STAM2: variants seen among roughly 807,000 people sequenced by gnomAD.
STAM2 encodes the protein signal transducing adapter molecule 2.
In STAM2, 51 loss-of-function variants were observed where a neutral mutation model predicts 65.6. The ratio of observed to expected loss-of-function variants is 0.78; its 90% CI spans 0.62 to 0.98. The LOEUF is 0.98. STAM2 is among the 50% of genes least tolerant of loss of function. The pLI is 0.00. For synonymous variants in STAM2, 198 were observed against 208.4 expected (o/e 0.95, Z 0.43); for missense variants, 584 against 617.8 (o/e 0.95, Z 0.58).
Position 152,147,207 on chromosome 2 carries a change from T to C in STAM2, c.402A>G (p.Lys134=). The change falls in exon 5 of 14, where the codon AAA becomes AAG. Residue 134 remains lysine, a synonymous_variant. Coordinates refer to ENST00000263904, the MANE Select transcript of STAM2 (RefSeq NM_005843.6). ...AAGTAATTCCTTCTTCTTTCATAGA[T>C]TTAATAGTTGCAGATATCAGACTAA... ...PQFSLISATI[K]SMKEEGITFP... is the part of the protein sequence containing the mutation. The C allele has an allele frequency of 6.2e-7, 1 of 1,611,810 alleles. No homozygotes were observed. The highest frequency in any genetic ancestry group is 8.5e-7 in the Non-Finnish European group (1 of 1,179,224).
intron 1 of STAM2, among the ~76,000 whole-genome samples, chr2:152,160,609 G>A (rs1304272796): frequency 2.0e-5 from 3 of 150,768 alleles, no homozygotes; most frequent in South Asian, 2.1e-4. Context: ...GAGGTGGGGG[G>A]TCAGCCCCAC....
chr2:152,162,051 G>C (rs1689688341), intron 1 of STAM2, among the ~76,000 whole-genome samples: 1 of 152,116 alleles, frequency 6.6e-6, no homozygotes. Flanking sequence ...TAGAACTCCT[G>C]ATCTCAGGTG....
chr2:152,162,352 A>G (rs1207487963), intron 1 of STAM2, among the ~76,000 whole-genome samples: 1 of 152,078 alleles, frequency 6.6e-6, no homozygotes, highest in Non-Finnish European at 1.5e-5. Flanking sequence ...CAGGAGGATC[A>G]CTTGAGAGTC....
intron 7 of STAM2, among the ~76,000 whole-genome samples, chr2:152,136,405 T>G (rs1050650114): frequency 6.6e-6 from 1 of 151,904 alleles, no homozygotes; most frequent in African/African-American, 2.4e-5. Context: ...ATCACGTCAC[T>G]GCACTCCAGC....
chr2:152,159,110 T>TATATATATATATATATACACAC (rs575009275), intron 1 of STAM2, among the ~76,000 whole-genome samples: 3 of 129,234 alleles, frequency 2.3e-5, no homozygotes, highest in African/African-American at 3.3e-5. Context: ...TATATATATA[T>TATATATATATATATATACACAC]ACACACACAG....
At chr2:152,164,864 T>C (rs1365676110) in intron 1 of STAM2, among the ~76,000 whole-genome samples, 2 of 152,176 alleles carry the variant, frequency 1.3e-5, no homozygotes, top group African/African-American at 2.4e-5. Context: ...CTTTAATATT[T>C]TAAACCATCT....
In STAM2 at chr2:152,135,523, A is replaced by G. The variant is rs1689137961; in HGVS notation, c.785T>C (p.Ile262Thr). Residue 262 changes from isoleucine to threonine, a missense_variant, in exon 8 of 14, where the codon ATA becomes ACA. Transcript: ENST00000263904. ...ATTTAACTTACCTGCCTCAGTCTCT[A>G]TGTTTAAATTAGTTGTTACAAAATT... is the stretch of plus-strand genomic sequence containing the variant. ...PSNFVTTNLN[I>T]ETEAAAVDKL... The G allele has an allele frequency of 3.1e-6, 5 of 1,609,742 alleles. No individual in the cohort carries two copies. The highest frequency in any genetic ancestry group is 4.2e-6 in the Non-Finnish European group (5 of 1,177,562).
intron 11 of STAM2, among the ~76,000 whole-genome samples, chr2:152,127,835 T>C (rs1017471997): frequency 6.6e-6 from 1 of 152,204 alleles, no homozygotes; most frequent in African/African-American, 2.4e-5. Flanking sequence ...GAACTCTCTT[T>C]GCACTGTCAA....
At chr2:152,141,920 A>T (rs1310825660) in intron 7 of STAM2, among the ~76,000 whole-genome samples, 1 of 152,136 alleles carries the variant, frequency 6.6e-6, no homozygotes, top group Non-Finnish European at 1.5e-5. Context: ...AGATCCAAGA[A>T]TGATATATTT....
At chr2:152,150,773 T>A (rs952027150) in intron 1 of STAM2, among the ~76,000 whole-genome samples, 15 of 152,216 alleles carry the variant, frequency 9.9e-5, no homozygotes, top group African/African-American at 3.6e-4. Context: ...GCTACCGCAC[T>A]CCAGCCTGGA....
intron 1 of STAM2, among the ~76,000 whole-genome samples, chr2:152,150,462 A>G (rs1420107605): frequency 6.6e-6 from 1 of 152,260 alleles, no homozygotes; most frequent in Non-Finnish European, 1.5e-5. Context: ...CAAATTACTA[A>G]GTATCAATAA....
intron 9 of STAM2, 63 bp downstream of exon 9, chr2:152,133,339 T>C: frequency 6.5e-7 from 1 of 1,543,322 alleles, no homozygotes; most frequent in African/African-American, 1.4e-5. Flanking sequence ...TTCCAAGCAT[T>C]CTCAAAGATA....
rs912496423 is a variant in STAM2, at chr2:152,118,461, T to C, written c.*2113A>G. On this transcript the variant is annotated 3_prime_UTR_variant, in exon 14 of 14. Coordinates refer to ENST00000263904, the MANE Select transcript of STAM2 (RefSeq NM_005843.6). ...TACTATATATTTATATATATATATA[T>C]GTGTCATGTTTTATTATTCTAAAAC... The C allele has an allele frequency of 2.2e-5, 3 of 134,134 alleles. No homozygotes were observed. Among genetic ancestry groups the C allele is most frequent in the Admixed American group, 2.2e-4 (3 of 13,900 alleles). The allele number at this position is 134,134 out of a possible 1,614,324, so 8.3% of individuals were successfully genotyped here.
At chr2:152,145,427 C>T (rs1689320091) in intron 5 of STAM2, among the ~76,000 whole-genome samples, 1 of 152,154 alleles carries the variant, frequency 6.6e-6, no homozygotes, top group African/African-American at 2.4e-5. Flanking sequence ...TAAAATAAAA[C>T]ATCAGATTTT....
rs377733942 is a variant in STAM2, at chr2:152,156,006, CACAT to C, written c.41-5781_41-5778del. 2.7e-3 allele frequency among the ~76,000 whole-genome samples: 416 copies of C among 152,270 alleles called. 2 individuals carry two copies. Among genetic ancestry groups the C allele is most frequent in the African/African-American group, 9.6e-3 (400 of 41,548 alleles). ...GGATATGTATGAGTACAAAGACACACACATAATCACGTGAATCTGATTTTAGACC... is the reference window on the plus strand; with the variant it reads ...GGATATGTATGAGTACAAAGACACACAATCACGTGAATCTGATTTTAGACC... On this transcript the variant is annotated intron_variant, in intron 1 of 13. Coordinates refer to ENST00000263904, the MANE Select transcript of STAM2 (RefSeq NM_005843.6).
chr2:152,137,505 A>C (rs187481287), intron 7 of STAM2, among the ~76,000 whole-genome samples: 26 of 152,016 alleles, frequency 1.7e-4, no homozygotes, highest in Admixed American at 1.6e-3. Context: ...GAAGTTCTTT[A>C]CACATTTTGG....
In STAM2 at chr2:152,123,922, T is replaced by C. The variant is rs755984868; in HGVS notation, c.1193A>G (p.Gln398Arg). The change falls in exon 13 of 14, where the codon CAA becomes CGA. Residue 398 changes from glutamine (Q) to arginine (R), a missense_variant. Coordinates refer to ENST00000263904, the MANE Select transcript of STAM2 (RefSeq NM_005843.6). ...SGVPMQTYPV[Q>R]SHGGNYMGQS... ...ACCCATATAGTTTCCACCATGTGATTGAACTGGATATGTCTATTAATCAGA... is the reference window on the plus strand; with the variant it reads ...ACCCATATAGTTTCCACCATGTGATCGAACTGGATATGTCTATTAATCAGA... 8 of 1,614,038 alleles carry C rather than the reference T, an allele frequency of 5.0e-6. No individual in the cohort carries two copies. In the East Asian group the frequency reaches 1.8e-4, roughly 36 times the overall value.
chr2:152,144,417 C>T (rs1689302502), intron 6 of STAM2, among the ~76,000 whole-genome samples: 1 of 151,962 alleles, frequency 6.6e-6, no homozygotes, highest in Non-Finnish European at 1.5e-5. Flanking sequence ...GAATTAAATT[C>T]ATTTGATAGC....
intron 12 of STAM2, among the ~76,000 whole-genome samples, chr2:152,125,731 T>G (rs1028998964): frequency 1.3e-5 from 2 of 152,330 alleles, no homozygotes; most frequent in Middle Eastern, 3.4e-3. Flanking sequence ...TAAAGCATAC[T>G]CTAGAAGTTC....
Sources: allele counts gnomAD v4.1 joint callset (sites outside exome capture counted in the v4.1 genomes callset), GRCh38; gene constraint gnomAD v4.1.1; transcripts MANE v1.5; gene names NCBI Gene and HGNC (gene_info 2026-07-23, HGNC 2026-07-21).